HNRNPD: variants seen among roughly 807,000 people sequenced by gnomAD.
HNRNPD encodes heterogeneous nuclear ribonucleoprotein D.
HNRNPD carries 3 observed loss-of-function variants against 47.9 expected under a neutral mutation model. The observed-to-expected ratio is 0.06, with a 90% CI of 0.03 to 0.16. The LOEUF (loss-of-function observed/expected upper bound fraction) is 0.16, where lower values mean the gene tolerates loss of function less well. Among genes scored for constraint, HNRNPD ranks in the 10% least tolerant of loss-of-function variants. The pLI is 1.00. For synonymous variants in HNRNPD, 171 were observed against 165.1 expected (o/e 1.04, Z -0.28); for missense variants, 287 against 454.2 (o/e 0.63, Z 3.35).
At chr4:82,368,937 C>G (rs894881368) in intron 2 of HNRNPD, among the ~76,000 whole-genome samples, 33 of 152,170 alleles carry the variant, frequency 2.2e-4, no homozygotes, top group Non-Finnish European at 4.1e-4. Flanking sequence ...TCATTATACA[C>G]TAACCATTAA....
At chr4:82,357,480 G>T (rs1652329400) in intron 4 of HNRNPD, 36 bp from the exon 5 acceptor site, 1 of 1,558,416 alleles carries the variant, frequency 6.4e-7, no homozygotes, top group Non-Finnish European at 8.7e-7. Context: ...ATGCTAACAT[G>T]CATTTTATTG....
chr4:82,373,924 CA>C lies in HNRNPD; in HGVS notation c.-247del. The C allele has an allele frequency of 1.1e-6, 1 of 932,946 alleles. No homozygotes were observed. The allele number at this position is 932,946 out of a possible 1,614,324, so 57.8% of individuals were successfully genotyped here. A position where few individuals can be genotyped will look rare whatever the true frequency, so the allele number is the denominator to read the frequency against. On this transcript the variant is annotated 5_prime_UTR_variant, in exon 1 of 9. Coordinates refer to ENST00000313899, the MANE Select transcript of HNRNPD (RefSeq NM_031370.3). Reference sequence around the variant, plus strand: ...CGCTGCACTAAAAAAGAATAAGCACCAGCGGCGGCCGCTCTCGCCTCCTCCT... The same window carrying C: ...CGCTGCACTAAAAAAGAATAAGCACCGCGGCGGCCGCTCTCGCCTCCTCCT...
At chr4:82,358,554 T>C (rs1723825738) in intron 4 of HNRNPD, 105 bp downstream of exon 4, 3 of 951,888 alleles carry the variant, frequency 3.2e-6, no homozygotes, top group Middle Eastern at 3.5e-4. Flanking sequence ...GATCACATAA[T>C]CTACCCTAAC....
Position 82,357,229 on chromosome 4 carries a change from C to CTTA in HNRNPD, c.753+81_753+83dup. On this transcript the variant is annotated intron_variant, in intron 5 of 8. Coordinates refer to ENST00000313899, the MANE Select transcript of HNRNPD (RefSeq NM_031370.3). ...AGAAGTTTTTAAAGCATGCAAAGAA[C>CTTA]TTAAGCCTTTACAGAGAAAGATAAA... 13 of 1,428,532 alleles carry CTTA rather than the reference C, an allele frequency of 9.1e-6. No homozygotes were observed. The South Asian group carries it at 1.9e-4, about 20-fold the overall frequency. 88.5% of individuals were successfully genotyped at this position (1,428,532 alleles called of 1,614,324 possible).
chr4:82,359,763 T>G, intron 2 of HNRNPD, 124 bp from the exon 3 acceptor site: 1 of 528,710 alleles, frequency 1.9e-6, no homozygotes, highest in South Asian at 4.3e-5. Flanking sequence ...ACATCATTCT[T>G]CCTACATAAC....
chr4:82,373,280 A>G, intron 1 of HNRNPD, 166 bp downstream of exon 1: 3 of 917,820 alleles, frequency 3.3e-6, no homozygotes, highest in Non-Finnish European at 5.0e-6. Context: ...GAAGAAGGAA[A>G]TGAAGGTCCG....
chr4:82,373,637 C>A lies in HNRNPD; in HGVS notation c.42G>T (p.Ala14=), dbSNP rs1405816254. ...EQFGGDGAAA[A]ATAAVGGSAG... ...CCGAGCCGCCTACCGCCGCCGTTGCCGCTGCCGCCGCCCCGTCCCCGCCGA... is the reference window on the plus strand; with the variant it reads ...CCGAGCCGCCTACCGCCGCCGTTGCAGCTGCCGCCGCCCCGTCCCCGCCGA... Residue 14 remains alanine (A), a synonymous_variant, in exon 1 of 9, where the codon GCG becomes GCT. Transcript: ENST00000313899. The A allele has an allele frequency of 6.6e-7, 1 of 1,526,088 alleles. No homozygotes were observed. The highest frequency in any genetic ancestry group is 8.8e-7 in the Non-Finnish European group (1 of 1,142,854). 94.5% of individuals were successfully genotyped at this position (1,526,088 alleles called of 1,614,324 possible). A position where few individuals can be genotyped will look rare whatever the true frequency, so the allele number is the denominator to read the frequency against.
At chr4:82,373,054 G>C (rs1720148670) in intron 1 of HNRNPD, 3 of 454,992 alleles carry the variant, frequency 6.6e-6, no homozygotes, top group Middle Eastern at 3.3e-4. Context: ...TTGTGTCTGT[G>C]TTTTTATGCC....
intron 3 of HNRNPD, 107 bp from the exon 4 acceptor site, chr4:82,358,927 G>A: frequency 1.2e-6 from 1 of 815,030 alleles, no homozygotes; most frequent in East Asian, 2.7e-5. Context: ...CCAAGCATAT[G>A]TTGACTTGCT....
At chr4:82,373,015 A>G in intron 1 of HNRNPD, 1 of 395,676 alleles carries the variant, frequency 2.5e-6, no homozygotes, top group Non-Finnish European at 5.0e-6. Flanking sequence ...GCACCAAATA[A>G]ACCTTAGTAA....
chr4:82,359,885 A>G (rs547116214), intron 2 of HNRNPD, among the ~76,000 whole-genome samples: 1 of 152,180 alleles, frequency 6.6e-6, no homozygotes, highest in Admixed American at 6.5e-5. Context: ...CTAAAAGATA[A>G]ACATATACCC....
chr4:82,371,961 A>C (rs992710319), intron 1 of HNRNPD, among the ~76,000 whole-genome samples: 2 of 152,114 alleles, frequency 1.3e-5, no homozygotes, highest in African/African-American at 4.8e-5. Flanking sequence ...CACTATCATC[A>C]AACAGCCTGA....
chr4:82,360,601 G>A (rs932884469), intron 2 of HNRNPD, among the ~76,000 whole-genome samples: 3 of 152,002 alleles, frequency 2.0e-5, no homozygotes, highest in African/African-American at 4.8e-5. Flanking sequence ...GGCTAAAAAT[G>A]TCACCATGGG....
In HNRNPD at chr4:82,373,523, C is replaced by G; in HGVS notation, c.156G>C (p.Ala52=). 1 of 1,544,372 alleles carries G rather than the reference C, an allele frequency of 6.5e-7. No individual in the cohort carries two copies. The highest frequency in any genetic ancestry group is 8.7e-7 in the Non-Finnish European group (1 of 1,144,334). Reference sequence around the variant, plus strand: ...CGCTGCCCCCTTCGGTGCCTCCAGACGCGGTTCCGCCCCCGGTCCCGGCTC... The same window carrying G: ...CGCTGCCCCCTTCGGTGCCTCCAGAGGCGGTTCCGCCCCCGGTCCCGGCTC... ...GSGAGTGGGT[A]SGGTEGGSAE... Residue 52 remains alanine (A), a synonymous_variant, in exon 1 of 9, where the codon GCG becomes GCC. Transcript: ENST00000313899.
chr4:82,355,268 T>C lies in HNRNPD; in HGVS notation c.*30+36A>G, dbSNP rs528923555. 2.0e-5 allele frequency: 23 copies of C among 1,157,438 alleles called. No individual in the cohort carries two copies. In the South Asian group the frequency reaches 2.5e-4, roughly 13 times the overall value. 71.7% of individuals were successfully genotyped at this position (1,157,438 alleles called of 1,614,324 possible). ...CAATATAGATTATAAAAACTACTAT[T>C]GTAAATGACAAAAAAAAACTATTTT... On this transcript the variant is annotated intron_variant, in intron 8 of 8. Transcript: ENST00000313899.
chr4:82,363,199 C>A (rs953714365), intron 2 of HNRNPD, among the ~76,000 whole-genome samples: 6 of 152,070 alleles, frequency 3.9e-5, no homozygotes, highest in African/African-American at 1.4e-4. Context: ...GCCTCAGCCT[C>A]CTGAGTAGCT....
At chr4:82,366,069 T>C (rs928036069) in intron 2 of HNRNPD, among the ~76,000 whole-genome samples, 2 of 152,152 alleles carry the variant, frequency 1.3e-5, no homozygotes, top group Non-Finnish European at 2.9e-5. Flanking sequence ...CAGATGACAT[T>C]TTCAAGGTAA....
In HNRNPD at chr4:82,361,799, T is replaced by C. The variant is rs190501228; in HGVS notation, c.291-2160A>G. On this transcript the variant is annotated intron_variant, in intron 2 of 8. Coordinates refer to ENST00000313899, the MANE Select transcript of HNRNPD (RefSeq NM_031370.3). ...TCTTAAATATCACCTAAGCATATCATCAGCTGGCCCAGCAAAGTGCTCTCC... is the reference window on the plus strand; with the variant it reads ...TCTTAAATATCACCTAAGCATATCACCAGCTGGCCCAGCAAAGTGCTCTCC... Among the ~76,000 whole-genome samples, 30 of 152,326 alleles carry C rather than the reference T, an allele frequency of 2.0e-4. No homozygotes were observed. In the East Asian group the frequency reaches 4.8e-3, roughly 24 times the overall value.
intron 2 of HNRNPD, among the ~76,000 whole-genome samples, chr4:82,360,397 G>A (rs895199644): frequency 6.6e-6 from 1 of 151,578 alleles, no homozygotes; most frequent in Non-Finnish European, 1.5e-5. Context: ...ATTTTAAGGC[G>A]AAATCTTACT....
Sources: gnomAD v4.1 joint callset for allele counts (sites outside exome capture counted in the v4.1 genomes callset) on GRCh38, gnomAD v4.1.1 for gene constraint, MANE v1.5 for transcripts, NCBI Gene and HGNC (gene_info 2026-07-23, HGNC 2026-07-21) for gene names.